The following KIF25 variants were observed in gnomAD, a reference collection of about 807,000 sequenced individuals.
The protein encoded by KIF25 is kinesin family member 25.
Under a neutral mutation model 32.9 loss-of-function variants are expected in KIF25, and 19 were observed. The ratio of observed to expected loss-of-function variants is 0.58; its 90% confidence interval spans 0.40 to 0.85. The LOEUF (loss-of-function observed/expected upper bound fraction) is 0.85. Ranked by LOEUF, KIF25 falls within the 40% of genes least tolerant of loss-of-function variation. The pLI is 0.00. For missense variants in KIF25, 485 were observed against 507.0 expected (o/e 0.96, Z 0.42); for synonymous variants, 225 against 213.7 (o/e 1.05, Z -0.46).
intron 5 of KIF25, among the ~76,000 whole-genome samples, chr6:168,024,648 A>G (rs1798834656): frequency 6.6e-6 from 1 of 152,090 alleles, no homozygotes; most frequent in South Asian, 2.1e-4. Context: ...TAATTGGCCA[A>G]GGATGGAGAA....
At chr6:168,007,928 G>A (rs560559646) in intron 4 of KIF25, among the ~76,000 whole-genome samples, 60 of 152,296 alleles carry the variant, frequency 3.9e-4, no homozygotes, top group African/African-American at 1.3e-3. Flanking sequence ...CCCTGTTGTG[G>A]TCAGTCATAG....
chr6:168,017,858 T>C (rs1362963854), intron 4 of KIF25, 115 bp from the exon 5 acceptor site: 1 of 152,306 alleles, frequency 6.6e-6, no homozygotes, highest in Non-Finnish European at 1.5e-5. Context: ...GGGGCTGTGT[T>C]CCAGGCAAAC....
At chr6:168,014,058 C>T (rs567685767) in intron 4 of KIF25, among the ~76,000 whole-genome samples, 34 of 152,070 alleles carry the variant, frequency 2.2e-4, no homozygotes, top group African/African-American at 7.9e-4. Context: ...ATTCTTGAGT[C>T]AAACAAAAGG....
chr6:168,020,538 A>C (rs1229775294), intron 5 of KIF25, among the ~76,000 whole-genome samples: 1 of 152,156 alleles, frequency 6.6e-6, no homozygotes, highest in Non-Finnish European at 1.5e-5. Context: ...TGTGGAGCTC[A>C]TGACACATGC....
chr6:168,031,578 C>T (rs1267700346), intron 7 of KIF25, among the ~76,000 whole-genome samples: 2 of 152,336 alleles, frequency 1.3e-5, no homozygotes, highest in Non-Finnish European at 2.9e-5. Flanking sequence ...CACGCGGGGC[C>T]GCTCCGCCAA....
intron 2 of KIF25, among the ~76,000 whole-genome samples, chr6:168,002,100 T>C (rs1456403229): frequency 6.7e-5 from 2 of 29,922 alleles, no homozygotes; most frequent in Non-Finnish European, 1.3e-4. Context: ...CTCGGGCAGG[T>C]GAGAAAGACA....
chr6:168,041,744 C>T (rs1471349248), intron 10 of KIF25, among the ~76,000 whole-genome samples: 1 of 152,192 alleles, frequency 6.6e-6, no homozygotes, highest in Admixed American at 6.5e-5. Context: ...GCCAATTAGG[C>T]ATTAGTTCAA....
At chr6:168,002,226 C>T (rs1274402356) in intron 2 of KIF25, among the ~76,000 whole-genome samples, 2 of 102,268 alleles carry the variant, frequency 2.0e-5, no homozygotes, top group African/African-American at 8.1e-5. Context: ...GGCATAGCCT[C>T]GGGCAGGTGA....
In KIF25 at chr6:168,042,611, C is replaced by CAT; in HGVS notation, c.880_881insAT (p.Arg294HisfsTer44). 1 of 1,614,006 alleles carries CAT rather than the reference C, an allele frequency of 6.2e-7. No homozygotes were observed. The highest frequency in any genetic ancestry group is 1.7e-4 in the Middle Eastern group (1 of 6,058). On this transcript the variant is annotated frameshift_variant, in exon 12 of 13. Coordinates refer to ENST00000643607, the MANE Select transcript of KIF25 (RefSeq NM_030615.4). LOFTEE classifies it high-confidence loss of function. ...CCTGAGGGAGATGGCGTGCATCAGC[C>CAT]GCAGCCTTGCGGCCCTGGCAGGCGT...
At chr6:168,001,596 T>G (rs1798503619) in intron 2 of KIF25, among the ~76,000 whole-genome samples, 1 of 80,468 alleles carries the variant, frequency 1.2e-5, no homozygotes, top group Admixed American at 1.3e-4. Context: ...CTCGGGCAGG[T>G]GAGAAGACAC....
At chr6:168,005,115 C>T (rs1343098987) in intron 4 of KIF25, among the ~76,000 whole-genome samples, 4 of 151,680 alleles carry the variant, frequency 2.6e-5, no homozygotes, top group Non-Finnish European at 5.9e-5. Flanking sequence ...GCGAGCTTGG[C>T]GTGCACGAGC....
At chr6:168,017,168 C>T (rs954676486) in intron 4 of KIF25, among the ~76,000 whole-genome samples, 8 of 151,792 alleles carry the variant, frequency 5.3e-5, no homozygotes, top group Non-Finnish European at 7.4e-5. Flanking sequence ...ATAAAATAGG[C>T]CACTTCTTTG....
intron 8 of KIF25, chr6:168,035,757 G>C (rs1384718286): frequency 8.8e-6 from 4 of 456,188 alleles, no homozygotes; most frequent in South Asian, 4.6e-5. Context: ...AGTGATTTGC[G>C]GCACTGGAAT....
At chr6:167,999,675 G>C (rs893908447) in intron 2 of KIF25, among the ~76,000 whole-genome samples, 1 of 152,148 alleles carries the variant, frequency 6.6e-6, no homozygotes, top group South Asian at 2.1e-4. Context: ...TATCAAAAAG[G>C]GAGCACCCTG....
At chr6:168,027,941 CA>C (rs1323016767) in intron 5 of KIF25, among the ~76,000 whole-genome samples, 1 of 152,142 alleles carries the variant, frequency 6.6e-6, no homozygotes, top group Admixed American at 6.5e-5. Flanking sequence ...GCTACTTTCT[CA>C]GTCTGTCGTT....
At chr6:168,004,846 G>A (rs937965931) in intron 4 of KIF25, among the ~76,000 whole-genome samples, 2 of 152,214 alleles carry the variant, frequency 1.3e-5, no homozygotes, top group African/African-American at 4.8e-5. Context: ...AGGTGGTGCA[G>A]CAGGTGGGAC....
At chr6:168,001,680 G>GC (rs1180983358) in intron 2 of KIF25, among the ~76,000 whole-genome samples, 1 of 132,766 alleles carries the variant, frequency 7.5e-6, no homozygotes, top group East Asian at 2.4e-4. Flanking sequence ...GACACCTGAG[G>GC]CGTGGCCTCG....
Position 168,042,034 on chromosome 6 carries a change from C to T in KIF25, c.712C>T (p.Arg238Cys), listed in dbSNP as rs902145357. 27 of 1,551,318 alleles carry T rather than the reference C, an allele frequency of 1.7e-5. No individual in the cohort carries two copies. The highest frequency in any genetic ancestry group is 9.8e-5 in the Admixed American group (5 of 51,008). The change falls in exon 11 of 13, where the codon CGC becomes TGC. Residue 238 changes from arginine to cysteine, a missense_variant. This residue lies in a region of KIF25 where 480 missense variants were observed against 470.3 expected (regional missense o/e 1.02). Transcript: ENST00000643607. ...AGAGGCAGGAAGGGCAGGAAGGAGC[C>T]GCAGAGCTTCTCAAGGGGCCTTGGC... ...QTEAGRAGRSRRASQGALAPQ... is the reference protein window; with the variant it reads ...QTEAGRAGRSCRASQGALAPQ...
At chr6:168,007,225 A>G (rs1189510426) in intron 4 of KIF25, among the ~76,000 whole-genome samples, 1 of 152,190 alleles carries the variant, frequency 6.6e-6, no homozygotes, top group Non-Finnish European at 1.5e-5. Flanking sequence ...AGCCTGGCCA[A>G]CATGGTGAAA....
Sources: allele counts gnomAD v4.1 joint callset (sites outside exome capture counted in the v4.1 genomes callset), GRCh38; gene constraint gnomAD v4.1.1; regional missense constraint gnomAD v4.1.1; transcripts MANE v1.5; gene names NCBI Gene and HGNC (gene_info 2026-07-23, HGNC 2026-07-21).